Variants in ESYT3 observed in about 807,000 individuals in gnomAD.
ESYT3 encodes the protein extended synaptotagmin-3.
ESYT3 carries 101 observed loss-of-function variants against 111.5 expected under a neutral mutation model. The observed-to-expected ratio is 0.91, with a 90% CI of 0.77 to 1.07. ESYT3 has a LOEUF of 1.07. ESYT3 is among the 50% of genes least tolerant of loss of function. The probability of loss-of-function intolerance (pLI) is 0.00; values close to 1 mark genes in which losing one functional copy is unlikely to be tolerated. For missense variants in ESYT3, 1,097 were observed against 1,109.4 expected (o/e 0.99, Z 0.16); for synonymous variants, 416 against 446.8 (o/e 0.93, Z 0.87).
In ESYT3 at chr3:138,434,839, C is replaced by T. The variant is rs1320843109; in HGVS notation, c.41C>T (p.Ala14Val). The T allele has an allele frequency of 3.2e-6, 5 of 1,552,552 alleles. No individual in the cohort carries two copies. Among genetic ancestry groups the T allele is most frequent in the Non-Finnish European group, 3.5e-6 (4 of 1,148,884 alleles). The change falls in exon 1 of 23, where the codon GCC (alanine) becomes GTC (valine). Residue 14 changes from alanine (A) to valine (V), a missense_variant. Ala to Val is a moderately conservative substitution (Grantham distance 64). Transcript: ENST00000389567. Reference protein sequence around the residue: ...EEPCAPGAPSALGAQRTPGPE... With the variant: ...EEPCAPGAPSVLGAQRTPGPE... Reference sequence around the variant, plus strand: ...CCCTGCGCCCCCGGGGCCCCCAGCGCCCTGGGAGCCCAGCGCACGCCGGGC... The same window carrying T: ...CCCTGCGCCCCCGGGGCCCCCAGCGTCCTGGGAGCCCAGCGCACGCCGGGC...
At chr3:138,445,221 C>T (rs1289083034) in intron 1 of ESYT3, among the ~76,000 whole-genome samples, 2 of 152,198 alleles carry the variant, frequency 1.3e-5, no homozygotes, top group South Asian at 2.1e-4. Flanking sequence ...CTCCCAGCCT[C>T]GTGGGGAACT....
chr3:138,474,424 T>C, intron 20 of ESYT3, 72 bp downstream of exon 20: 1 of 1,499,954 alleles, frequency 6.7e-7, no homozygotes. Flanking sequence ...TTATGTTGCC[T>C]GGCAGCCTGC....
intron 3 of ESYT3, among the ~76,000 whole-genome samples, chr3:138,456,466 G>C (rs894277099): frequency 2.0e-5 from 3 of 152,216 alleles, no homozygotes; most frequent in Non-Finnish European, 4.4e-5. Context: ...GAAGCTTGCA[G>C]GGTGCTGTGT....
Position 138,464,408 on chromosome 3 carries a change from C to A in ESYT3, c.979C>A (p.Leu327Ile). Residue 327 changes from leucine to isoleucine, a missense_variant, in exon 9 of 23, where the codon CTC becomes ATC. Physicochemically the swap from Leu to Ile is conservative, Grantham distance 5. Transcript: ENST00000389567. ...QLAQKDNFLG[L>I]RGKSDPYAKV... is the part of the protein sequence containing the mutation. ...GGCCCAGAAGGACAACTTTCTGGGG[C>A]TCCGAGGCAAGTCAGATCCCTACGC... The A allele has an allele frequency of 6.2e-7, 1 of 1,614,144 alleles. No individual in the cohort carries two copies. Among genetic ancestry groups the A allele is most frequent in the Non-Finnish European group, 8.5e-7 (1 of 1,180,008 alleles).
At chr3:138,466,896 C>T (rs956195078) in intron 10 of ESYT3, among the ~76,000 whole-genome samples, 4 of 152,062 alleles carry the variant, frequency 2.6e-5, no homozygotes, top group South Asian at 2.1e-4. Flanking sequence ...AGGATGTCCC[C>T]GCTTCTTTTT....
At chr3:138,468,743 C>G (rs1395003242) in intron 13 of ESYT3, 26 bp downstream of exon 13, 2 of 1,613,820 alleles carry the variant, frequency 1.2e-6, no homozygotes, top group African/African-American at 1.3e-5. Flanking sequence ...TCCAGAGTGT[C>G]ACACAAACGC....
Position 138,464,468 on chromosome 3 carries a change from A to G in ESYT3, c.1039A>G (p.Arg347Gly). ...CATCGGCCTACAGCATTTCCGGAGT[A>G]GGACCATCTACAGGAACCTGAACCC... ...VSIGLQHFRSRTIYRNLNPTW... is the reference protein window; with the variant it reads ...VSIGLQHFRSGTIYRNLNPTW... Residue 347 changes from arginine to glycine, a missense_variant, in exon 9 of 23, where the codon AGG becomes GGG. Arg to Gly is a moderately radical substitution (Grantham distance 125). Coordinates refer to ENST00000389567, the MANE Select transcript of ESYT3 (RefSeq NM_031913.5). The G allele has an allele frequency of 6.2e-7, 1 of 1,614,170 alleles. No homozygotes were observed. Among genetic ancestry groups the G allele is most frequent in the Non-Finnish European group, 8.5e-7 (1 of 1,180,028 alleles).
chr3:138,443,045 C>T, intron 1 of ESYT3, among the ~76,000 whole-genome samples: 1 of 152,200 alleles, frequency 6.6e-6, no homozygotes. Flanking sequence ...AAAAACTACT[C>T]TGTGGACAGC....
intron 2 of ESYT3, among the ~76,000 whole-genome samples, chr3:138,452,845 A>T (rs1218417941): frequency 1.3e-5 from 2 of 152,208 alleles, no homozygotes; most frequent in African/African-American, 4.8e-5. Flanking sequence ...TAGGTTAGGT[A>T]TAAGAAAGGA....
At chr3:138,460,466 G>A (rs67037472) in intron 6 of ESYT3, 145 bp from the exon 7 acceptor site, 453,217 of 857,164 alleles carry the variant, frequency 0.53, 123,629 homozygotes, top group Admixed American at 0.7. Context: ...CACCCTGGCA[G>A]AGGGTGCTCT....
chr3:138,470,166 C>T lies in ESYT3; in HGVS notation c.1590+20C>T. 3 of 1,608,220 alleles carry T rather than the reference C, an allele frequency of 1.9e-6. No individual in the cohort carries two copies. Among genetic ancestry groups the T allele is most frequent in the Non-Finnish European group, 2.6e-6 (3 of 1,176,336 alleles). On this transcript the variant is annotated intron_variant, in intron 16 of 22. Transcript: ENST00000389567. ...CTGAAGGTTTGATGGAAGAAGGGCT[C>T]TTGAAACAGAGTTAAGAGGTTTTTA...
intron 2 of ESYT3, among the ~76,000 whole-genome samples, chr3:138,452,956 A>G (rs1214271572): frequency 6.6e-6 from 1 of 152,204 alleles, no homozygotes; most frequent in Non-Finnish European, 1.5e-5. Flanking sequence ...ATGGTAGCAC[A>G]CACCAGGGTC....
At chr3:138,462,943 A>G in intron 8 of ESYT3, among the ~76,000 whole-genome samples, 1 of 151,952 alleles carries the variant, frequency 6.6e-6, no homozygotes, top group Admixed American at 6.6e-5. Flanking sequence ...GATTACAGGC[A>G]TGAGCCACCA....
chr3:138,434,887 A>G lies in ESYT3; in HGVS notation c.89A>G (p.Gln30Arg). 1 of 1,550,596 alleles carries G rather than the reference A, an allele frequency of 6.4e-7. No individual in the cohort carries two copies. The change falls in exon 1 of 23, where the codon CAG becomes CGG. Residue 30 changes from glutamine to arginine, a missense_variant. Transcript: ENST00000389567. ...TPGPELRLSSQLLPELCTFVV... is the reference protein window; with the variant it reads ...TPGPELRLSSRLLPELCTFVV... The stretch of plus-strand genomic sequence containing the variant: ...GGCCCCGAGCTGCGCCTGTCCAGCC[A>G]GCTGCTGCCCGAGCTCTGTACCTTC...
At chr3:138,455,440 C>G in intron 3 of ESYT3, 112 bp downstream of exon 3, 2 of 1,222,130 alleles carry the variant, frequency 1.6e-6, no homozygotes, top group Admixed American at 2.3e-5. Flanking sequence ...AGAGATCCCA[C>G]TGGACCTTAC....
chr3:138,450,754 T>G (rs1041948047), intron 1 of ESYT3, among the ~76,000 whole-genome samples: 2 of 152,242 alleles, frequency 1.3e-5, no homozygotes, highest in African/African-American at 4.8e-5. Context: ...TGTTTGAGTC[T>G]TTAGGGCAAC....
Position 138,440,641 on chromosome 3 carries a change from C to T in ESYT3, c.327+5516C>T, listed in dbSNP as rs777747835. On this transcript the variant is annotated intron_variant, in intron 1 of 22. Transcript: ENST00000389567. This position sits in a 1 kb window ranked among gnomAD's most constrained non-coding sequence, Gnocchi z 4.2. The stretch of plus-strand genomic sequence containing the variant: ...TGAAGTTATTCAAATGGCTTGGAGT[C>T]AGGCCTGTCCTCGGGAAGGAAGAGG... Among the ~76,000 whole-genome samples, 3 of 152,152 alleles carry T rather than the reference C, an allele frequency of 2.0e-5. No individual in the cohort carries two copies. The highest frequency in any genetic ancestry group is 4.4e-5 in the Non-Finnish European group (3 of 68,026).
intron 19 of ESYT3, 60 bp from the exon 20 acceptor site, chr3:138,474,161 T>C: frequency 1.3e-6 from 2 of 1,580,318 alleles, no homozygotes; most frequent in Middle Eastern, 1.7e-4. Flanking sequence ...TCTCAAATGT[T>C]CAGTGTTTGA....
chr3:138,468,603 C>T, intron 12 of ESYT3, 52 bp from the exon 13 acceptor site: 1 of 1,592,506 alleles, frequency 6.3e-7, no homozygotes, highest in Admixed American at 1.7e-5. Flanking sequence ...CAAAATCAGT[C>T]TTTGTGTCCT....
Sources: gnomAD v4.1 joint callset for allele counts (sites outside exome capture counted in the v4.1 genomes callset) on GRCh38, gnomAD v4.1.1 for gene constraint, Gnocchi (gnomAD v3.1) non-coding constraint, MANE v1.5 for transcripts, NCBI Gene and HGNC (gene_info 2026-07-23, HGNC 2026-07-21) for gene names.